HVCN1: variants seen among roughly 807,000 people sequenced by gnomAD.
HVCN1 encodes the protein voltage-gated hydrogen channel 1.
Under a neutral mutation model 29.2 loss-of-function variants are expected in HVCN1, and 14 were observed. The observed-to-expected ratio is 0.48, with a 90% confidence interval of 0.32 to 0.75. The LOEUF (loss-of-function observed/expected upper bound fraction) is 0.75, where lower values mean the gene tolerates loss of function less well. Among genes scored for constraint, HVCN1 ranks in the 30% least tolerant of loss-of-function variants. The pLI is 0.04. For synonymous variants in HVCN1, 131 were observed against 133.2 expected (o/e 0.98, Z 0.11); for missense variants, 263 against 341.8 (o/e 0.77, Z 1.82).
At chr12:110,699,208 T>TGCTGGGTCTTG (rs1480157182) in intron 2 of HVCN1, among the ~76,000 whole-genome samples, 1 of 152,222 alleles carries the variant, frequency 6.6e-6, no homozygotes, top group African/African-American at 2.4e-5. Flanking sequence ...TGCTGGGCTT[T>TGCTGGGTCTTG]GCTGGGTCTT....
chr12:110,671,443 C>T (rs1022337437), intron 3 of HVCN1, among the ~76,000 whole-genome samples: 5 of 152,164 alleles, frequency 3.3e-5, no homozygotes, highest in African/African-American at 1.2e-4. Flanking sequence ...TGGAAGAGGC[C>T]TGGGACACAT....
At chr12:110,673,033 C>A (rs1329744023) in intron 3 of HVCN1, among the ~76,000 whole-genome samples, 4 of 152,132 alleles carry the variant, frequency 2.6e-5, no homozygotes, top group Non-Finnish European at 5.9e-5. Context: ...AACTTTGGAA[C>A]TGGGTATCAG....
intron 2 of HVCN1, among the ~76,000 whole-genome samples, chr12:110,695,197 C>A (rs1056047984): frequency 2.6e-4 from 39 of 152,050 alleles, no homozygotes; most frequent in African/African-American, 9.4e-4. Flanking sequence ...TCACTTGAGG[C>A]CAGGAGTTCA....
At chr12:110,693,183 C>A (rs2069439813), upstream of HVCN1, among the ~76,000 whole-genome samples, 1 of 152,040 alleles carries the variant, frequency 6.6e-6, no homozygotes, top group African/African-American at 2.4e-5. Context: ...GAGCCACTGG[C>A]CTTTAACTGA....
At chr12:110,703,660 T>A (rs2069582808) in intron 1 of HVCN1, among the ~76,000 whole-genome samples, 1 of 151,618 alleles carries the variant, frequency 6.6e-6, no homozygotes, top group African/African-American at 2.4e-5. Context: ...CCGCCCCACT[T>A]TGTTTATTTA....
chr12:110,662,259 TG>T (rs2068203083), intron 3 of HVCN1, among the ~76,000 whole-genome samples: 1 of 152,116 alleles, frequency 6.6e-6, no homozygotes, highest in African/African-American at 2.4e-5. Flanking sequence ...TTCCCCACCT[TG>T]CCCCCCACAC....
At chr12:110,657,700 T>C (rs2068036625) in intron 4 of HVCN1, among the ~76,000 whole-genome samples, 2 of 152,128 alleles carry the variant, frequency 1.3e-5, no homozygotes, top group African/African-American at 2.4e-5. Flanking sequence ...AAAACTACGA[T>C]GCCAGGATAA....
chr12:110,664,661 T>A (rs1166433932), intron 3 of HVCN1, among the ~76,000 whole-genome samples: 1 of 152,200 alleles, frequency 6.6e-6, no homozygotes, highest in Non-Finnish European at 1.5e-5. Context: ...GGAGGTACTT[T>A]CTGGACTGTG....
intron 1 of HVCN1, among the ~76,000 whole-genome samples, 166 bp from the exon 2 acceptor site, chr12:110,688,874 A>AGG (rs1015351735): frequency 2.3e-4 from 35 of 152,166 alleles, no homozygotes; most frequent in Middle Eastern, 3.4e-3. Context: ...GTCCCTGCCG[A>AGG]GGGGAAGCAC....
chr12:110,652,885 C>A (rs765774188), intron 5 of HVCN1, among the ~76,000 whole-genome samples: 1 of 152,090 alleles, frequency 6.6e-6, no homozygotes, highest in Non-Finnish European at 1.5e-5. Context: ...GGAAAAATGC[C>A]CCTGGCCAGT....
At chr12:110,680,192 C>A (rs927502278) in intron 3 of HVCN1, among the ~76,000 whole-genome samples, 1 of 152,150 alleles carries the variant, frequency 6.6e-6, no homozygotes, top group Non-Finnish European at 1.5e-5. Flanking sequence ...TTTCCCCAGC[C>A]CCCCAGCAAT....
Position 110,701,527 on chromosome 12 carries a change from A to G in HVCN1, c.-104+782T>C, listed in dbSNP as rs150892345. ...GCTGAATTAGGTGACCTGGGATCCAATCTAGCTCAGAGCCTGCCACCAACT... is the reference window on the plus strand; with the variant it reads ...GCTGAATTAGGTGACCTGGGATCCAGTCTAGCTCAGAGCCTGCCACCAACT... On this transcript the variant is annotated intron_variant, in intron 2 of 4. Transcript: ENST00000546713. Among the ~76,000 whole-genome samples, 14 of 152,270 alleles carry G rather than the reference A, an allele frequency of 9.2e-5. No individual in the cohort carries two copies. The East Asian group carries it at 1.4e-3, about 15-fold the overall frequency.
chr12:110,684,163 C>A (rs192384094), intron 2 of HVCN1, among the ~76,000 whole-genome samples: 21 of 152,058 alleles, frequency 1.4e-4, no homozygotes, highest in Non-Finnish European at 2.2e-4. Context: ...AGGGGGTTTC[C>A]TTTTGGGATG....
At chr12:110,659,271 TC>T (rs1729331071) in intron 4 of HVCN1, among the ~76,000 whole-genome samples, 1 of 151,946 alleles carries the variant, frequency 6.6e-6, no homozygotes, top group African/African-American at 2.4e-5. Context: ...TTTCTCTGCT[TC>T]CAGAAGAGGG....
intron 2 of HVCN1, among the ~76,000 whole-genome samples, chr12:110,687,170 G>A (rs1309957191): frequency 6.6e-6 from 1 of 151,898 alleles, no homozygotes; most frequent in Non-Finnish European, 1.5e-5. Flanking sequence ...AAGGTGAAGA[G>A]GAAAGGGCAA....
chr12:110,683,344 A>G, intron 2 of HVCN1, 80 bp from the exon 3 acceptor site: 3 of 1,482,192 alleles, frequency 2.0e-6, no homozygotes, highest in Non-Finnish European at 2.7e-6. Context: ...ATCCTTTCTT[A>G]CAAATTAGTT....
rs1054508825 is a variant in HVCN1, at chr12:110,658,398, T to TA, written c.306+2765dup. 6.6e-6 allele frequency among the ~76,000 whole-genome samples: 1 copy of TA among 151,942 alleles called. No individual in the cohort carries two copies. On this transcript the variant is annotated intron_variant, in intron 4 of 7. Coordinates refer to ENST00000242607, the MANE Select transcript of HVCN1 (RefSeq NM_032369.4). This position sits in a 1 kb window ranked among gnomAD's most constrained non-coding sequence, Gnocchi z 5.0. ...AAATCTGATCTCCCACCCACACACTTAGAGCTTTCAAAGGCAGCCCATGAC... is the reference window on the plus strand; with the variant it reads ...AAATCTGATCTCCCACCCACACACTTAAGAGCTTTCAAAGGCAGCCCATGAC...
In HVCN1 at chr12:110,661,895, C is replaced by T. The variant is rs1056460877; in HGVS notation, c.22-447G>A. 3.3e-5 allele frequency among the ~76,000 whole-genome samples: 5 copies of T among 152,318 alleles called. No homozygotes were observed. Among genetic ancestry groups the T allele is most frequent in the South Asian group, 4.1e-4 (2 of 4,822 alleles). On this transcript the variant is annotated intron_variant, in intron 3 of 7. Transcript: ENST00000242607. The surrounding 1 kb of genome is among the most constrained non-coding windows in gnomAD (Gnocchi z 6.2). ...AAAGTCACGAGATCCCCACCCATCA[C>T]GCCACACATCCTGACAGGCGCGTGG...
At chr12:110,680,634 G>A (rs2136424573) in intron 3 of HVCN1, among the ~76,000 whole-genome samples, 1 of 152,242 alleles carries the variant, frequency 6.6e-6, no homozygotes, top group African/African-American at 2.4e-5. Flanking sequence ...CAAAGACAGT[G>A]GGCCAGGTGC....
Sources: gnomAD v4.1 joint callset for allele counts (sites outside exome capture counted in the v4.1 genomes callset) on GRCh38, gnomAD v4.1.1 for gene constraint, Gnocchi (gnomAD v3.1) non-coding constraint, MANE v1.5 for transcripts, NCBI Gene and HGNC (gene_info 2026-07-23, HGNC 2026-07-21) for gene names.